The following RPS24 variants were observed in gnomAD, a reference collection of about 807,000 sequenced individuals.
The protein encoded by RPS24 is small ribosomal subunit protein eS24.
For synonymous variants in RPS24, 72 were observed against 55.6 expected (o/e 1.30, Z -1.31); for missense variants, 100 against 162.5 (o/e 0.62, Z 2.09).
At chr10:78,041,099 T>C (rs1285338048), downstream of RPS24, among the ~76,000 whole-genome samples, 1 of 152,046 alleles carries the variant, frequency 6.6e-6, no homozygotes, top group African/African-American at 2.4e-5. Flanking sequence ...CTTGGCCACA[T>C]AAAGTACTGG....
chr10:78,046,695 T>C (rs1848047461), intron 4 of RPS24, among the ~76,000 whole-genome samples: 1 of 152,042 alleles, frequency 6.6e-6, no homozygotes. Flanking sequence ...TTACCCCCAT[T>C]TTATAGATGA....
intron 4 of RPS24, among the ~76,000 whole-genome samples, chr10:78,053,114 T>C (rs1725913690): frequency 6.6e-6 from 1 of 150,936 alleles, no homozygotes; most frequent in Non-Finnish European, 1.5e-5. Context: ...GATTGTGCCA[T>C]TGCGCTTCAG....
chr10:78,055,022 T>C (rs1461562425), exon 5 of RPS24: 1 of 1,457,706 alleles, frequency 6.9e-7, no homozygotes. Context: ...GTCACTGCCA[T>C]GGCCGCCTTG....
downstream of RPS24, among the ~76,000 whole-genome samples, chr10:78,042,933 T>C (rs1426551296): frequency 2.0e-5 from 3 of 152,188 alleles, no homozygotes; most frequent in Non-Finnish European, 2.9e-5. Flanking sequence ...TACATGGTGC[T>C]CTCATGGAGC....
chr10:78,048,745 T>C (rs1848069772), intron 4 of RPS24, among the ~76,000 whole-genome samples: 1 of 151,980 alleles, frequency 6.6e-6, no homozygotes, highest in Non-Finnish European at 1.5e-5. Flanking sequence ...CATGGGGGCA[T>C]GCACCTGTGG....
rs762811891 is a variant in RPS24 at position 78,035,508 on chromosome 10, T to TAAAA, written c.70-2_70-1insAAAA. 1 of 1,613,964 alleles carries TAAAA rather than the reference T, an allele frequency of 6.2e-7. No homozygotes were observed. Among genetic ancestry groups the TAAAA allele is most frequent in the Non-Finnish European group, 8.5e-7 (1 of 1,179,814 alleles). The stretch of plus-strand genomic sequence containing the variant: ...GAATGCTAAACTTGATATCTCCTTT[T>TAAAA]AGGTCATTGATGTCCTTCACCCCGG... On this transcript the variant is annotated splice_region_variant and splice_polypyrimidine_tract_variant and intron_variant, in intron 2 of 5. Coordinates refer to ENST00000372360, the MANE Select transcript of RPS24 (RefSeq NM_033022.4).
At chr10:78,051,176 T>C (rs1848095468) in intron 4 of RPS24, among the ~76,000 whole-genome samples, 1 of 152,062 alleles carries the variant, frequency 6.6e-6, no homozygotes, top group Non-Finnish European at 1.5e-5. Flanking sequence ...GGCAACAGAG[T>C]GGGTGAGACT....
downstream of RPS24, among the ~76,000 whole-genome samples, chr10:78,041,561 T>C (rs1847986405): frequency 1.3e-5 from 2 of 152,212 alleles, no homozygotes. Context: ...TTGACATTTT[T>C]TGATGAACAG....
chr10:78,035,821 A>C, intron 3 of RPS24, 101 bp downstream of exon 3: 1 of 933,860 alleles, frequency 1.1e-6, no homozygotes, highest in Non-Finnish European at 1.7e-6. Flanking sequence ...GCAATCTGGG[A>C]TACAACTCTG....
chr10:78,037,059 A>G (rs1847885252), intron 3 of RPS24, 135 bp from the exon 4 acceptor site: 2 of 1,030,910 alleles, frequency 1.9e-6, no homozygotes, highest in Non-Finnish European at 2.9e-6. Context: ...AAAAACATGC[A>G]TTAAATGTAC....
At chr10:78,054,711 C>G in exon 5 of RPS24, 1 of 1,551,702 alleles carries the variant, frequency 6.4e-7, no homozygotes, top group Non-Finnish European at 8.7e-7. Flanking sequence ...CAAGTATTTA[C>G]AGGTGGCCGT....
rs11549853 is a variant in RPS24 at position 78,035,390 on chromosome 10, C to A, written c.42C>A (p.Thr14=). 1 of 1,614,128 alleles carries A rather than the reference C, an allele frequency of 6.2e-7. No homozygotes were observed. Among genetic ancestry groups the A allele is most frequent in the Non-Finnish European group, 8.5e-7 (1 of 1,180,004 alleles). ...TVTIRTRKFM[T]NRLLQRKQMV... is the part of the protein sequence containing the mutation. ...CTATCCGCACTAGAAAGTTCATGAC[C>A]AACCGACTACTTCAGAGGAAACAAA... The change falls in exon 2 of 6, where the codon ACC becomes ACA. Residue 14 remains threonine, a synonymous_variant. Transcript: ENST00000372360.
At position 78,035,501 on chromosome 10, in the gene RPS24, C is replaced by A; in HGVS notation, c.70-10C>A. 1 of 1,613,850 alleles carries A rather than the reference C, an allele frequency of 6.2e-7. No homozygotes were observed. Among genetic ancestry groups the A allele is most frequent in the Middle Eastern group, 1.7e-4 (1 of 6,060 alleles). On this transcript the variant is annotated splice_polypyrimidine_tract_variant and intron_variant, in intron 2 of 5. Transcript: ENST00000372360. ...TCATACTGAATGCTAAACTTGATAT[C>A]TCCTTTTAGGTCATTGATGTCCTTC...
intron 4 of RPS24, among the ~76,000 whole-genome samples, chr10:78,050,136 C>T (rs975866853): frequency 7.2e-6 from 1 of 138,662 alleles, no homozygotes; most frequent in African/African-American, 2.8e-5. Flanking sequence ...CTCCTTCCTC[C>T]TTCCCCCTCT....
chr10:78,051,682 A>C (rs1848100203), intron 4 of RPS24, among the ~76,000 whole-genome samples: 1 of 152,216 alleles, frequency 6.6e-6, no homozygotes, highest in Non-Finnish European at 1.5e-5. Flanking sequence ...TCCCACCAGC[A>C]ATGTACGAAG....
rs2395507 is a variant in RPS24, at chr10:78,036,968, G to C, written c.280-226G>C. Among the ~76,000 whole-genome samples, 108,287 of 152,124 alleles carry C rather than the reference G, an allele frequency of 0.71. 39,281 individuals are homozygous for C. Among genetic ancestry groups the C allele is most frequent in the African/African-American group, 0.85 (35,304 of 41,520 alleles). ...CAGCCAGTCTCCCAAACTCCCTGTT[G>C]AGAGAATGTTGAGTGGACCATTTGT... On this transcript the variant is annotated intron_variant, in intron 3 of 5. Transcript: ENST00000372360.
downstream of RPS24, among the ~76,000 whole-genome samples, chr10:78,044,039 T>C (rs1038706810): frequency 6.6e-6 from 1 of 152,210 alleles, no homozygotes; most frequent in African/African-American, 2.4e-5. Flanking sequence ...AAAGAGTTCA[T>C]GCAGCCTACT....
downstream of RPS24, among the ~76,000 whole-genome samples, chr10:78,042,434 C>T (rs966886247): frequency 2.0e-5 from 3 of 152,140 alleles, no homozygotes; most frequent in Non-Finnish European, 4.4e-5. Context: ...TATTTTGAGG[C>T]TGAGGATGTA....
At chr10:78,053,089 G>A (rs1183777201) in intron 4 of RPS24, among the ~76,000 whole-genome samples, 1 of 151,548 alleles carries the variant, frequency 6.6e-6, no homozygotes, top group Non-Finnish European at 1.5e-5. Flanking sequence ...GGAGGTGGAG[G>A]TTACAGTGAG....
Sources: allele counts gnomAD v4.1 joint callset (sites outside exome capture counted in the v4.1 genomes callset), GRCh38; gene constraint gnomAD v4.1.1; transcripts MANE v1.5; gene names NCBI Gene and HGNC (gene_info 2026-07-23, HGNC 2026-07-21).